Variants in STXBP4 observed in about 807,000 individuals in gnomAD.
STXBP4 encodes the protein syntaxin binding protein 4.
STXBP4 carries 55 observed loss-of-function variants against 76.1 expected under a neutral mutation model. The observed-to-expected ratio is 0.72, with a 90% CI of 0.58 to 0.91. STXBP4 has a LOEUF of 0.91. Ranked by LOEUF, STXBP4 falls within the 40% of genes least tolerant of loss-of-function variation. The pLI is 0.00. For synonymous variants in STXBP4, 201 were observed against 220.2 expected (o/e 0.91, Z 0.77); for missense variants, 618 against 636.9 (o/e 0.97, Z 0.32).
chr17:55,144,005 G>GCACA (rs61300425), intron 17 of STXBP4, among the ~76,000 whole-genome samples: 3,377 of 138,858 alleles, frequency 0.024, 54 homozygotes, highest in Non-Finnish European at 0.034. Context: ...AAAGCCACCT[G>GCACA]CACACACACA....
In STXBP4 at chr17:55,109,647, T is replaced by A. The variant is rs959251985; in HGVS notation, c.1489+28464T>A. Reference sequence around the variant, plus strand: ...GTCTTTTTTTTTTTTTTTTTTTTTTTATATGGAGTTTCACTCTTGTTGCCC... The same window carrying A: ...GTCTTTTTTTTTTTTTTTTTTTTTTAATATGGAGTTTCACTCTTGTTGCCC... On this transcript the variant is annotated intron_variant, in intron 16 of 17. Transcript: ENST00000376352. Among the ~76,000 whole-genome samples the A allele has an allele frequency of 1.1e-3, 122 of 110,864 alleles. 1 individual carries two copies. Among genetic ancestry groups the A allele is most frequent in the Middle Eastern group, 4.5e-3 (1 of 220 alleles). The allele number at this position is 110,864 out of a possible 152,430, so 72.7% of individuals were successfully genotyped here.
intron 15 of STXBP4, among the ~76,000 whole-genome samples, chr17:55,080,703 A>C (rs1328716653): frequency 6.6e-6 from 1 of 152,082 alleles, no homozygotes; most frequent in African/African-American, 2.4e-5. Flanking sequence ...TTATATGCTT[A>C]ATTTGAATTT....
At chr17:55,038,658 A>G (rs1161597660) in intron 10 of STXBP4, among the ~76,000 whole-genome samples, 1 of 151,932 alleles carries the variant, frequency 6.6e-6, no homozygotes, top group Non-Finnish European at 1.5e-5. Context: ...ACAAGGTTAT[A>G]TGCAGAAAGG....
intron 15 of STXBP4, among the ~76,000 whole-genome samples, chr17:55,079,118 C>G (rs1406627523): frequency 6.6e-6 from 1 of 152,104 alleles, no homozygotes; most frequent in Non-Finnish European, 1.5e-5. Flanking sequence ...GTTGTTCTGG[C>G]AAACAGAATT....
chr17:55,169,166 T>C lies in STXBP4; in HGVS notation c.*9255T>C, dbSNP rs1426538512. The C allele has an allele frequency of 6.6e-6, 1 of 151,272 alleles. No homozygotes were observed. Among genetic ancestry groups the C allele is most frequent in the South Asian group, 2.1e-4 (1 of 4,802 alleles). The allele number at this position is 151,272 out of a possible 1,614,324, so 9.4% of individuals were successfully genotyped here. A position where few individuals can be genotyped will look rare whatever the true frequency, so the allele number is the denominator to read the frequency against. ...CCAAGGGTGAAAAGTAATAGGGAAA[T>C]AGAGAAATAGAACCGATCCAAAGGA... On this transcript the variant is annotated 3_prime_UTR_variant, in exon 18 of 18. Coordinates refer to ENST00000376352, the MANE Select transcript of STXBP4 (RefSeq NM_178509.6).
At chr17:55,021,906 A>G (rs888184960) in intron 8 of STXBP4, among the ~76,000 whole-genome samples, 1 of 152,214 alleles carries the variant, frequency 6.6e-6, no homozygotes, top group Non-Finnish European at 1.5e-5. Flanking sequence ...TCAGGCAATA[A>G]TTCCTCATTT....
At chr17:54,989,060 G>A (rs1404114275) in intron 3 of STXBP4, among the ~76,000 whole-genome samples, 1 of 152,218 alleles carries the variant, frequency 6.6e-6, no homozygotes, top group African/African-American at 2.4e-5. Context: ...TTCTACGGCA[G>A]AAGCTAAGAA....
At chr17:55,182,759 C>CA in the STXBP4 span, among the ~76,000 whole-genome samples, 4 of 151,388 alleles carry the variant, frequency 2.6e-5, no homozygotes, top group Non-Finnish European at 4.4e-5. Context: ...TAATAAGAGA[C>CA]AAAAAACAAT....
chr17:55,007,351 A>C (rs1052893642), intron 7 of STXBP4, among the ~76,000 whole-genome samples, 155 bp from the exon 8 acceptor site: 3 of 151,756 alleles, frequency 2.0e-5, no homozygotes, highest in Non-Finnish European at 4.4e-5. Context: ...AAAAAAAAAA[A>C]GAAAAGAAAA....
chr17:55,123,646 A>T (rs192651145), intron 16 of STXBP4, among the ~76,000 whole-genome samples: 11 of 152,306 alleles, frequency 7.2e-5, no homozygotes, highest in Admixed American at 5.2e-4. Flanking sequence ...CATGCCTGTA[A>T]TCCCAGCACT....
chr17:55,158,957 ATTG>A (rs2080309825), intron 17 of STXBP4, among the ~76,000 whole-genome samples: 1 of 152,212 alleles, frequency 6.6e-6, no homozygotes, highest in South Asian at 2.1e-4. Flanking sequence ...AGAAGAAGAT[ATTG>A]TTGGTGGGGT....
chr17:55,073,102 G>A (rs374591452), intron 13 of STXBP4, 26 bp downstream of exon 13: 47 of 1,606,236 alleles, frequency 2.9e-5, no homozygotes, highest in Non-Finnish European at 3.8e-5. Context: ...ATCTCTTCCA[G>A]TTACCATGGT....
At chr17:55,125,800 T>TA (rs2079904415) in intron 16 of STXBP4, among the ~76,000 whole-genome samples, 1 of 152,122 alleles carries the variant, frequency 6.6e-6, no homozygotes, top group African/African-American at 2.4e-5. Flanking sequence ...GCAGGACACT[T>TA]AGAGTGGTAA....
chr17:55,120,846 A>G (rs2079835989), intron 16 of STXBP4, among the ~76,000 whole-genome samples: 1 of 152,038 alleles, frequency 6.6e-6, no homozygotes, highest in Admixed American at 6.6e-5. Flanking sequence ...CACAGAAGGA[A>G]CATTAGCCCT....
chr17:55,210,888 A>G, the STXBP4 span, among the ~76,000 whole-genome samples: 15 of 152,342 alleles, frequency 9.8e-5, no homozygotes, highest in South Asian at 4.1e-4. Context: ...ATCCCACCAT[A>G]GTCAGGCATA....
At chr17:55,128,063 G>C (rs1168407492) in intron 16 of STXBP4, among the ~76,000 whole-genome samples, 1 of 152,096 alleles carries the variant, frequency 6.6e-6, no homozygotes, top group East Asian at 1.9e-4. Context: ...ATATTTATAA[G>C]TTCCCCTGGT....
intron 15 of STXBP4, among the ~76,000 whole-genome samples, chr17:55,080,298 C>A (rs2079239852): frequency 6.6e-6 from 1 of 152,142 alleles, no homozygotes; most frequent in Non-Finnish European, 1.5e-5. Context: ...ATATCCTCTA[C>A]ATGGATATTG....
intron 8 of STXBP4, among the ~76,000 whole-genome samples, chr17:55,008,976 G>A (rs1232403369): frequency 6.6e-6 from 1 of 152,030 alleles, no homozygotes; most frequent in African/African-American, 2.4e-5. Flanking sequence ...ATTATAGTTC[G>A]GACCAACATT....
intron 17 of STXBP4, among the ~76,000 whole-genome samples, chr17:55,152,813 A>G (rs1598353832): frequency 6.6e-6 from 1 of 152,356 alleles, no homozygotes; most frequent in East Asian, 1.9e-4. Context: ...AAACCATATC[A>G]TATGGCAAAT....
Sources: gnomAD v4.1 joint callset for allele counts (sites outside exome capture counted in the v4.1 genomes callset) on GRCh38, gnomAD v4.1.1 for gene constraint, MANE v1.5 for transcripts, NCBI Gene and HGNC (gene_info 2026-07-23, HGNC 2026-07-21) for gene names.